SEC61A2: variants seen among roughly 807,000 people sequenced by gnomAD.
SEC61A2 encodes protein transport protein Sec61 subunit alpha isoform 2.
In SEC61A2, 28 loss-of-function variants were observed where a neutral mutation model predicts 59.9. The observed-to-expected ratio is 0.47, with a 90% CI of 0.35 to 0.64. The LOEUF (loss-of-function observed/expected upper bound fraction) is 0.64, where lower values mean the gene tolerates loss of function less well. Ranked by LOEUF, SEC61A2 falls within the 30% of genes least tolerant of loss-of-function variation. The probability of loss-of-function intolerance (pLI) is 0.01; values close to 1 mark genes in which losing one functional copy is unlikely to be tolerated. For synonymous variants in SEC61A2, 202 were observed against 214.4 expected (o/e 0.94, Z 0.50); for missense variants, 340 against 585.9 (o/e 0.58, Z 4.33).
At chr10:12,144,181 T>C (rs1834087514) in intron 4 of SEC61A2, among the ~76,000 whole-genome samples, 1 of 152,156 alleles carries the variant, frequency 6.6e-6, no homozygotes, top group Admixed American at 6.6e-5. Context: ...AAAGGTAATA[T>C]TGATTTATTA....
In SEC61A2 at chr10:12,155,434, G is replaced by A; in HGVS notation, c.463-344G>A. On this transcript the variant is annotated intron_variant, in intron 6 of 11. Coordinates refer to ENST00000298428, the MANE Select transcript of SEC61A2 (RefSeq NM_018144.4). This position sits in a 1 kb window ranked among gnomAD's most constrained non-coding sequence, Gnocchi z 4.3. ...TTTGGGATGTTTTCAGTTTCTTGCTGTCATAAATTCTAGAATACTGTGATC... is the reference window on the plus strand; with the variant it reads ...TTTGGGATGTTTTCAGTTTCTTGCTATCATAAATTCTAGAATACTGTGATC... The A allele has an allele frequency of 1.6e-6, 2 of 1,266,438 alleles. No individual in the cohort carries two copies. Among genetic ancestry groups the A allele is most frequent in the South Asian group, 1.5e-5 (1 of 68,810 alleles). 78.5% of individuals were successfully genotyped at this position (1,266,438 alleles called of 1,614,324 possible). A position where few individuals can be genotyped will look rare whatever the true frequency, so the allele number is the denominator to read the frequency against.
rs1398645702 is a variant in SEC61A2, at chr10:12,152,598, A to G, written c.462+2637A>G. ...AACATGGTGAAACCCTGTCTCTACT[A>G]AAAACACAAAAATTGGCCGGGTGCA... is the stretch of plus-strand genomic sequence containing the variant. On this transcript the variant is annotated intron_variant, in intron 6 of 11. Transcript: ENST00000298428. This position sits in a 1 kb window ranked among gnomAD's most constrained non-coding sequence, Gnocchi z 5.5. Among the ~76,000 whole-genome samples the G allele has an allele frequency of 6.6e-6, 1 of 152,024 alleles. No individual in the cohort carries two copies. The highest frequency in any genetic ancestry group is 2.4e-5 in the African/African-American group (1 of 41,412).
In SEC61A2 at chr10:12,160,835, A is replaced by G. The variant is rs1268514651; in HGVS notation, c.976-95A>G. Reference sequence around the variant, plus strand: ...GACTAGCTGTAGATGCCTTGAACTTAAAACACTGTCATTTCTGAGAAGTTT... The same window carrying G: ...GACTAGCTGTAGATGCCTTGAACTTGAAACACTGTCATTTCTGAGAAGTTT... On this transcript the variant is annotated intron_variant, in intron 9 of 11. Coordinates refer to ENST00000298428, the MANE Select transcript of SEC61A2 (RefSeq NM_018144.4). This position sits in a 1 kb window ranked among gnomAD's most constrained non-coding sequence, Gnocchi z 4.1. The G allele has an allele frequency of 4.5e-6, 5 of 1,101,544 alleles. No individual in the cohort carries two copies. The Admixed American group carries it at 1.2e-4, about 26-fold the overall frequency. 68.2% of individuals were successfully genotyped at this position (1,101,544 alleles called of 1,614,324 possible).
chr10:12,163,850 G>A (rs562378967), intron 11 of SEC61A2, among the ~76,000 whole-genome samples: 1 of 152,098 alleles, frequency 6.6e-6, no homozygotes, highest in Admixed American at 6.5e-5. Flanking sequence ...TTTTCCAGGT[G>A]ATTCTAATGT....
chr10:12,150,035 A>G (rs1012893511), intron 6 of SEC61A2, 74 bp downstream of exon 6: 1 of 951,304 alleles, frequency 1.1e-6, no homozygotes, highest in Non-Finnish European at 1.7e-6. Flanking sequence ...ACAGTTCTTT[A>G]GGTGATTGGC....
intron 9 of SEC61A2, among the ~76,000 whole-genome samples, chr10:12,159,439 G>A (rs1834481022): frequency 6.6e-6 from 1 of 152,144 alleles, no homozygotes; most frequent in Non-Finnish European, 1.5e-5. Flanking sequence ...TGTAATCCCA[G>A]CACTTTGGGA....
Position 12,155,475 on chromosome 10 carries a change from G to A in SEC61A2, c.463-303G>A, listed in dbSNP as rs143292059. The A allele has an allele frequency of 2.9e-4, 259 of 882,184 alleles. 1 individual carries two copies. In the African/African-American group the frequency reaches 4.0e-3, roughly 14 times the overall value. The allele number at this position is 882,184 out of a possible 1,614,324, so 54.6% of individuals were successfully genotyped here. ...TACTGTGATCATTTTTTGTTTCAGT[G>A]TGCTTTTCAAACAGGCTTTATTTAA... On this transcript the variant is annotated intron_variant, in intron 6 of 11. Coordinates refer to ENST00000298428, the MANE Select transcript of SEC61A2 (RefSeq NM_018144.4). The surrounding 1 kb of genome is among the most constrained non-coding windows in gnomAD (Gnocchi z 4.3).
chr10:12,168,947 G>A (rs563644427), downstream of SEC61A2, among the ~76,000 whole-genome samples: 8 of 152,160 alleles, frequency 5.3e-5, no homozygotes, highest in African/African-American at 1.9e-4. This position sits in a 1 kb window ranked among gnomAD's most constrained non-coding sequence, Gnocchi z 4.8. Flanking sequence ...ATTTTTAGTA[G>A]AGATGGGGTT....
chr10:12,135,376 C>T (rs1245987617), intron 2 of SEC61A2, among the ~76,000 whole-genome samples: 7 of 151,868 alleles, frequency 4.6e-5, no homozygotes, highest in Non-Finnish European at 1.0e-4. Flanking sequence ...AAAAGAGAAA[C>T]TGAAAAATCT....
rs773048715 is a variant in SEC61A2 at position 12,155,322 on chromosome 10, C to T, written c.463-456C>T. On this transcript the variant is annotated intron_variant, in intron 6 of 11. Transcript: ENST00000298428. The surrounding 1 kb of genome is among the most constrained non-coding windows in gnomAD (Gnocchi z 4.3). ...TGCTTTTTTCAAAGGATCAACACAG[C>T]CCTTAGACTTATCCTTTGATGGCAG... 6 of 1,575,874 alleles carry T rather than the reference C, an allele frequency of 3.8e-6. No homozygotes were observed. In the East Asian group the frequency reaches 9.1e-5, roughly 24 times the overall value.
intron 3 of SEC61A2, among the ~76,000 whole-genome samples, chr10:12,137,247 C>A (rs1302203961): frequency 2.6e-5 from 4 of 152,104 alleles, no homozygotes; most frequent in Admixed American, 2.6e-4. Context: ...AAGCTAAAAC[C>A]AAATTTTTGC....
In SEC61A2 at chr10:12,156,000, C is replaced by T. The variant is rs537589899; in HGVS notation, c.616+69C>T. On this transcript the variant is annotated intron_variant, in intron 7 of 11. Coordinates refer to ENST00000298428, the MANE Select transcript of SEC61A2 (RefSeq NM_018144.4). This position sits in a 1 kb window ranked among gnomAD's most constrained non-coding sequence, Gnocchi z 4.3. The stretch of plus-strand genomic sequence containing the variant: ...TGTGCTGGGAACAAACCCATCGTGT[C>T]GCAGTACATGCCTAGAGCCGTTCTG... 1.9e-5 allele frequency: 30 copies of T among 1,540,956 alleles called. No homozygotes were observed. Among genetic ancestry groups the T allele is most frequent in the East Asian group, 4.5e-5 (2 of 44,496 alleles).
At position 12,157,074 on chromosome 10, in the gene SEC61A2, A is replaced by G; in HGVS notation, c.777+7A>G. 6.2e-7 allele frequency: 1 copy of G among 1,611,308 alleles called. No individual in the cohort carries two copies. The highest frequency in any genetic ancestry group is 2.2e-5 in the East Asian group (1 of 44,868). On this transcript the variant is annotated splice_region_variant and intron_variant, in intron 8 of 11. Coordinates refer to ENST00000298428, the MANE Select transcript of SEC61A2 (RefSeq NM_018144.4). Reference sequence around the variant, plus strand: ...TGTTGTTATATATTTCCAAGTAAGTATAACCTTTTCACCAAAGTAAGTGGG... The same window carrying G: ...TGTTGTTATATATTTCCAAGTAAGTGTAACCTTTTCACCAAAGTAAGTGGG...
Position 12,165,373 on chromosome 10 carries a change from T to C in SEC61A2, c.*919T>C, listed in dbSNP as rs578225559. On this transcript the variant is annotated 3_prime_UTR_variant, in exon 12 of 12. Coordinates refer to ENST00000298428, the MANE Select transcript of SEC61A2 (RefSeq NM_018144.4). ...CTTTTATTTAAGAAAACTGATTCAG[T>C]TGTGTTGGAAAAAATAAAGAAATCT... 2.1e-6 allele frequency: 2 copies of C among 972,428 alleles called. No homozygotes were observed. Among genetic ancestry groups the C allele is most frequent in the Non-Finnish European group, 2.4e-6 (2 of 818,206 alleles). 60.2% of individuals were successfully genotyped at this position (972,428 alleles called of 1,614,324 possible).
intron 3 of SEC61A2, among the ~76,000 whole-genome samples, chr10:12,139,771 G>A (rs1475229888): frequency 1.3e-5 from 2 of 151,822 alleles, no homozygotes; most frequent in African/African-American, 4.8e-5. Flanking sequence ...GCGACAGAGC[G>A]AGACTCCGTC....
chr10:12,156,821 A>C lies in SEC61A2; in HGVS notation c.617-86A>C. 7.3e-7 allele frequency: 1 copy of C among 1,365,734 alleles called. No individual in the cohort carries two copies. Among genetic ancestry groups the C allele is most frequent in the Non-Finnish European group, 1.0e-6 (1 of 976,904 alleles). The allele number at this position is 1,365,734 out of a possible 1,614,324, so 84.6% of individuals were successfully genotyped here. On this transcript the variant is annotated intron_variant, in intron 7 of 11. Transcript: ENST00000298428. The surrounding 1 kb of genome is among the most constrained non-coding windows in gnomAD (Gnocchi z 5.2). ...TCTTTTGACCCATATTTTCTGCTGT[A>C]TACTGGACTTTCACGGTTAGTTGTT...
Position 12,129,711 on chromosome 10 carries a change from C to T in SEC61A2, c.-77C>T. The stretch of plus-strand genomic sequence containing the variant: ...GTAGGATCGCGTCGGGAGCCGGTAC[C>T]GAGGCCCGAGCCGCGGGAGTCGAGC... On this transcript the variant is annotated 5_prime_UTR_variant, in exon 1 of 12. Coordinates refer to ENST00000298428, the MANE Select transcript of SEC61A2 (RefSeq NM_018144.4). This position sits in a 1 kb window ranked among gnomAD's most constrained non-coding sequence, Gnocchi z 5.6. 7.1e-7 allele frequency: 1 copy of T among 1,404,694 alleles called. No individual in the cohort carries two copies. Among genetic ancestry groups the T allele is most frequent in the Non-Finnish European group, 9.5e-7 (1 of 1,053,454 alleles). 87.0% of individuals were successfully genotyped at this position (1,404,694 alleles called of 1,614,324 possible). A position where few individuals can be genotyped will look rare whatever the true frequency, so the allele number is the denominator to read the frequency against.
chr10:12,168,170 G>A (rs558644989), downstream of SEC61A2, among the ~76,000 whole-genome samples: 1 of 151,890 alleles, frequency 6.6e-6, no homozygotes, highest in South Asian at 2.1e-4. The surrounding 1 kb of genome is among the most constrained non-coding windows in gnomAD (Gnocchi z 4.8). Flanking sequence ...GACTATAGGC[G>A]CACGCCACCA....
chr10:12,167,714 G>A, downstream of SEC61A2: 1 of 1,614,068 alleles, frequency 6.2e-7, no homozygotes, highest in Non-Finnish European at 8.5e-7. Flanking sequence ...AAAATTTCAA[G>A]AAGGGCACTT....
Sources: allele counts gnomAD v4.1 joint callset (sites outside exome capture counted in the v4.1 genomes callset), GRCh38; gene constraint gnomAD v4.1.1; non-coding constraint Gnocchi (gnomAD v3.1); transcripts MANE v1.5; gene names NCBI Gene and HGNC (gene_info 2026-07-23, HGNC 2026-07-21).